BBS5: variants seen among roughly 807,000 people sequenced by gnomAD.
BBS5 encodes BBSome complex member BBS5.
BBS5 carries 39 observed loss-of-function variants against 50.2 expected under a neutral mutation model. That is an observed-to-expected ratio of 0.78 (90% CI 0.60 to 1.01). BBS5 has a LOEUF of 1.01. Among genes scored for constraint, BBS5 ranks in the 50% least tolerant of loss-of-function variants. The pLI is 0.00. For synonymous variants in BBS5, 134 were observed against 133.1 expected, an observed-to-expected ratio of 1.01 and a Z score of -0.05; for missense variants, 356 against 401.5, an observed-to-expected ratio of 0.89 and a Z score of 0.97.
intron 2 of BBS5, among the ~76,000 whole-genome samples, chr2:169,486,224 A>G (rs1198400643): frequency 6.6e-6 from 1 of 152,224 alleles, no homozygotes; most frequent in Non-Finnish European, 1.5e-5. Flanking sequence ...CAGAAATAGT[A>G]TGACCTGGCT....
intron 2 of BBS5, among the ~76,000 whole-genome samples, chr2:169,485,246 A>G (rs935550057): frequency 6.6e-6 from 1 of 152,218 alleles, no homozygotes; most frequent in African/African-American, 2.4e-5. Flanking sequence ...TTTGCAAAGG[A>G]TTATTTTTTA....
intron 5 of BBS5, 28 bp downstream of exon 5, chr2:169,488,142 A>G: frequency 6.2e-7 from 1 of 1,609,116 alleles, no homozygotes; most frequent in Non-Finnish European, 8.5e-7. Flanking sequence ...GGATTATTGA[A>G]TATTTTTTGT....
At chr2:169,483,709 C>A (rs150827866) in intron 2 of BBS5, among the ~76,000 whole-genome samples, 65 of 152,258 alleles carry the variant, frequency 4.3e-4, no homozygotes, top group African/African-American at 1.5e-3. Context: ...TACTTGCCAC[C>A]ACCTACAGGC....
At chr2:169,492,504 T>C (rs1235429197) in intron 5 of BBS5, among the ~76,000 whole-genome samples, 3 of 144,444 alleles carry the variant, frequency 2.1e-5, no homozygotes, top group Admixed American at 2.1e-4. Context: ...AAAAAAAAAA[T>C]AGGTTATTGA....
At chr2:169,494,093 T>A (rs1683652169) in intron 7 of BBS5, among the ~76,000 whole-genome samples, 1 of 152,218 alleles carries the variant, frequency 6.6e-6, no homozygotes, top group African/African-American at 2.4e-5. Context: ...ATTCTAAAAA[T>A]TTAAATAGTA....
At chr2:169,498,785 C>T (rs1023508401) in intron 8 of BBS5, among the ~76,000 whole-genome samples, 24 of 141,756 alleles carry the variant, frequency 1.7e-4, no homozygotes, top group Non-Finnish European at 2.9e-4. Flanking sequence ...CCAGCCTGGC[C>T]GACAGAGCGA....
rs537917707 is a variant in BBS5 at position 169,496,257 on chromosome 2, C to T, written c.619-1370C>T. Among the ~76,000 whole-genome samples the T allele has an allele frequency of 2.6e-5, 4 of 152,314 alleles. No homozygotes were observed. The East Asian group carries it at 7.7e-4, about 29-fold the overall frequency. On this transcript the variant is annotated intron_variant, in intron 7 of 11. Coordinates refer to ENST00000295240, the MANE Select transcript of BBS5 (RefSeq NM_152384.3). ...TTCTGCCTCTACTCTCCCCTTCTCC[C>T]AGGCCACTGGTTTCACCATCTATCT...
At chr2:169,480,911 C>T (rs1259772312) in intron 1 of BBS5, among the ~76,000 whole-genome samples, 1 of 152,032 alleles carries the variant, frequency 6.6e-6, no homozygotes, top group Admixed American at 6.6e-5. Context: ...CTCCTGACCT[C>T]AGGTGATCCG....
chr2:169,487,608 C>T (rs1454890662), intron 3 of BBS5, among the ~76,000 whole-genome samples, 198 bp from the exon 4 acceptor site: 2 of 151,762 alleles, frequency 1.3e-5, no homozygotes, highest in Admixed American at 1.3e-4. Context: ...TTTGTTTGTT[C>T]AAGGAGACAG....
At chr2:169,500,900 C>T (rs1259899375) in intron 9 of BBS5, among the ~76,000 whole-genome samples, 4 of 152,156 alleles carry the variant, frequency 2.6e-5, no homozygotes, top group African/African-American at 7.2e-5. Context: ...ATCACCTGCT[C>T]GTTCAGCTTC....
At chr2:169,490,936 T>C (rs756108947) in intron 5 of BBS5, among the ~76,000 whole-genome samples, 5 of 152,226 alleles carry the variant, frequency 3.3e-5, no homozygotes, top group Non-Finnish European at 7.3e-5. Flanking sequence ...CTGACCTCTT[T>C]CACTTACACA....
intron 9 of BBS5, among the ~76,000 whole-genome samples, chr2:169,500,555 C>T (rs957273153): frequency 6.6e-6 from 1 of 152,158 alleles, no homozygotes; most frequent in East Asian, 1.9e-4. Flanking sequence ...GTGCCCTTGC[C>T]GTTTACTTTA....
chr2:169,481,083 A>C (rs1683384142), intron 1 of BBS5, among the ~76,000 whole-genome samples: 1 of 152,190 alleles, frequency 6.6e-6, no homozygotes, highest in Non-Finnish European at 1.5e-5. Flanking sequence ...TACTGGGCCG[A>C]TAGCTAGAGA....
rs1443236992 is a variant in BBS5, at chr2:169,484,800, A to G, written c.143-2269A>G. Among the ~76,000 whole-genome samples, 4 of 152,178 alleles carry G rather than the reference A, an allele frequency of 2.6e-5. No individual in the cohort carries two copies. In the East Asian group the frequency reaches 5.8e-4, roughly 22 times the overall value. On this transcript the variant is annotated intron_variant, in intron 2 of 11. Coordinates refer to ENST00000295240, the MANE Select transcript of BBS5 (RefSeq NM_152384.3). ...GTAAGTCATAGAAATGAGTTTGTAA[A>G]GAATTAAAATATTATATTAAATAGC...
At chr2:169,480,142 C>T (rs1683363976) in intron 1 of BBS5, among the ~76,000 whole-genome samples, 1 of 152,176 alleles carries the variant, frequency 6.6e-6, no homozygotes, top group Non-Finnish European at 1.5e-5. Flanking sequence ...ACTAACCGCG[C>T]AAACTTTATG....
chr2:169,493,160 G>A lies in BBS5; in HGVS notation c.522+151G>A. 4 of 849,972 alleles carry A rather than the reference G, an allele frequency of 4.7e-6. No individual in the cohort carries two copies. The East Asian group carries it at 1.0e-4, about 22-fold the overall frequency. 52.7% of individuals were successfully genotyped at this position (849,972 alleles called of 1,614,324 possible). On this transcript the variant is annotated intron_variant, in intron 6 of 11. Transcript: ENST00000295240. ...TTCAATAAGTACAAGTTAGGTTGAT[G>A]ATAACATCCCTATTTTCTTTCAATA... is the stretch of plus-strand genomic sequence containing the variant.
chr2:169,501,523 T>A (rs1408088181), intron 9 of BBS5, among the ~76,000 whole-genome samples: 2 of 152,124 alleles, frequency 1.3e-5, no homozygotes, highest in Non-Finnish European at 2.9e-5. Flanking sequence ...GGCCAGGAGT[T>A]TGAGACCAGC....
rs76455275 is a variant in BBS5, at chr2:169,497,237, C to G, written c.619-390C>G. On this transcript the variant is annotated intron_variant, in intron 7 of 11. Coordinates refer to ENST00000295240, the MANE Select transcript of BBS5 (RefSeq NM_152384.3). The stretch of plus-strand genomic sequence containing the variant: ...CAGGAGGCTGAGGCAGGAGGAGGAT[C>G]CCTTAGCCCAGGAGTTTGAGGCTGT... Among the ~76,000 whole-genome samples the G allele has an allele frequency of 8.7e-3, 1,323 of 152,232 alleles. 26 individuals are homozygous for G. Among genetic ancestry groups the G allele is most frequent in the African/African-American group, 0.03 (1,247 of 41,544 alleles).
At chr2:169,492,107 A>T (rs1016030073) in intron 5 of BBS5, among the ~76,000 whole-genome samples, 5 of 152,108 alleles carry the variant, frequency 3.3e-5, no homozygotes, top group African/African-American at 1.2e-4. Context: ...GAGAAAAAGT[A>T]TTAATAATTG....
Sources: allele counts gnomAD v4.1 joint callset (sites outside exome capture counted in the v4.1 genomes callset), GRCh38; gene constraint gnomAD v4.1.1; transcripts MANE v1.5; gene names NCBI Gene and HGNC (gene_info 2026-07-23, HGNC 2026-07-21).